Variants in CCSER1 observed in about 807,000 individuals in gnomAD.
The protein encoded by CCSER1 is serine-rich coiled-coil domain-containing protein 1.
In CCSER1, 41 loss-of-function variants were observed where a neutral mutation model predicts 82.0. That is an observed-to-expected ratio of 0.50 (90% CI 0.39 to 0.65). The LOEUF is 0.65. Ranked by LOEUF, CCSER1 falls within the 30% of genes least tolerant of loss-of-function variation. The pLI, the probability that CCSER1 is intolerant of heterozygous loss-of-function variation, is 0.00. For missense variants in CCSER1, 1,119 were observed against 1,064.2 expected (o/e 1.05, Z -0.72); for synonymous variants, 414 against 383.9 (o/e 1.08, Z -0.92).
At chr4:90,615,416 A>G (rs1483999568) in intron 5 of CCSER1, among the ~76,000 whole-genome samples, 3 of 152,202 alleles carry the variant, frequency 2.0e-5, no homozygotes. Flanking sequence ...GGAAAGAACC[A>G]TTCTAGATAC....
At chr4:91,458,434 A>G (rs1475281693) in intron 10 of CCSER1, among the ~76,000 whole-genome samples, 3 of 152,116 alleles carry the variant, frequency 2.0e-5, no homozygotes, top group African/African-American at 4.8e-5. Flanking sequence ...GCTTTGTAGT[A>G]TATTTTGAAG....
At chr4:91,459,784 A>G (rs891607541) in intron 10 of CCSER1, among the ~76,000 whole-genome samples, 1 of 152,140 alleles carries the variant, frequency 6.6e-6, no homozygotes, top group African/African-American at 2.4e-5. Context: ...TCTTTCCTCC[A>G]TCAGTATTTT....
At chr4:91,107,485 G>A (rs1026497087) in intron 10 of CCSER1, among the ~76,000 whole-genome samples, 25 of 152,096 alleles carry the variant, frequency 1.6e-4, no homozygotes, top group African/African-American at 5.6e-4. Flanking sequence ...TGAATCTCCT[G>A]ACCTCGTGAT....
At chr4:91,423,033 T>G in intron 10 of CCSER1, among the ~76,000 whole-genome samples, 1 of 152,194 alleles carries the variant, frequency 6.6e-6, no homozygotes, top group East Asian at 1.9e-4. Context: ...GAGTTTATTC[T>G]AGAAAACCTG....
intron 8 of CCSER1, among the ~76,000 whole-genome samples, chr4:90,912,325 G>T (rs974102034): frequency 2.0e-5 from 3 of 152,212 alleles, no homozygotes; most frequent in African/African-American, 7.2e-5. Context: ...AACATTTGCT[G>T]TTCACCAATA....
intron 1 of CCSER1, among the ~76,000 whole-genome samples, chr4:90,200,087 C>CAA (rs1175682177): frequency 6.6e-6 from 1 of 151,530 alleles, no homozygotes; most frequent in Non-Finnish European, 1.5e-5. Context: ...CACACACACA[C>CAA]ACACACTTTT....
intron 10 of CCSER1, among the ~76,000 whole-genome samples, chr4:91,520,288 A>G (rs751311163): frequency 1.4e-5 from 2 of 145,532 alleles, no homozygotes; most frequent in South Asian, 2.2e-4. Flanking sequence ...TAACTTCAAT[A>G]GTATACAAAA....
chr4:90,365,899 C>A (rs901323162), intron 3 of CCSER1, among the ~76,000 whole-genome samples: 12 of 151,982 alleles, frequency 7.9e-5, no homozygotes, highest in African/African-American at 2.9e-4. Flanking sequence ...TTTTAGTTTT[C>A]CTTCTAGCAT....
At chr4:91,285,385 A>G (rs983914954) in intron 10 of CCSER1, among the ~76,000 whole-genome samples, 1 of 151,726 alleles carries the variant, frequency 6.6e-6, no homozygotes, top group African/African-American at 2.4e-5. Flanking sequence ...GGAACTGTGA[A>G]TTTATTATAT....
intron 9 of CCSER1, among the ~76,000 whole-genome samples, chr4:91,024,159 T>C (rs529521084): frequency 6.6e-6 from 1 of 152,198 alleles, no homozygotes; most frequent in East Asian, 1.9e-4. Flanking sequence ...TATGATCCAA[T>C]CAGCTCTTAA....
intron 5 of CCSER1, among the ~76,000 whole-genome samples, chr4:90,609,531 A>G (rs1785174997): frequency 6.6e-6 from 1 of 152,206 alleles, no homozygotes; most frequent in South Asian, 2.1e-4. Flanking sequence ...ATCTAAAGAT[A>G]TTATCCCAAC....
intron 9 of CCSER1, among the ~76,000 whole-genome samples, chr4:90,997,781 A>G (rs1258417918): frequency 6.6e-6 from 1 of 152,202 alleles, no homozygotes; most frequent in African/African-American, 2.4e-5. Flanking sequence ...CTAAATTGCT[A>G]AGGAAATTTC....
At chr4:91,159,638 A>C (rs1438700832) in intron 10 of CCSER1, among the ~76,000 whole-genome samples, 1 of 151,914 alleles carries the variant, frequency 6.6e-6, no homozygotes, top group African/African-American at 2.4e-5. Flanking sequence ...TTTTCCTTAC[A>C]TTCTTTAGTA....
intron 10 of CCSER1, among the ~76,000 whole-genome samples, chr4:91,276,817 G>A (rs1246636865): frequency 1.3e-5 from 2 of 151,956 alleles, no homozygotes; most frequent in African/African-American, 4.8e-5. Flanking sequence ...CTTAAGGTAT[G>A]TTCCTTTTAT....
At chr4:90,690,825 A>T (rs1010103822) in intron 6 of CCSER1, among the ~76,000 whole-genome samples, 1 of 152,074 alleles carries the variant, frequency 6.6e-6, no homozygotes, top group African/African-American at 2.4e-5. Flanking sequence ...ACTACCTGAT[A>T]AAATTACATC....
At chr4:91,072,113 C>G (rs1233850489) in intron 9 of CCSER1, among the ~76,000 whole-genome samples, 1 of 152,040 alleles carries the variant, frequency 6.6e-6, no homozygotes, top group Non-Finnish European at 1.5e-5. Context: ...AATATGATGA[C>G]CCAAGTCCCT....
Position 90,782,681 on chromosome 4 carries a change from C to CTTTTTTTTTT in CCSER1, c.2011-33078_2011-33077insTTTTTTTTTT, listed in dbSNP as rs200701722. Among the ~76,000 whole-genome samples, 49 of 123,966 alleles carry CTTTTTTTTTT rather than the reference C, an allele frequency of 4.0e-4. 3 individuals are homozygous for CTTTTTTTTTT. Among genetic ancestry groups the CTTTTTTTTTT allele is most frequent in the East Asian group, 3.5e-3 (14 of 3,968 alleles). 81.3% of individuals were successfully genotyped at this position (123,966 alleles called of 152,430 possible). On this transcript the variant is annotated intron_variant, in intron 7 of 10. Transcript: ENST00000509176. ...GGACAGGGATTTCTTTCTTTTCTTT[C>CTTTTTTTTTT]TTTCTTTTTTTTTTTTTTTTGAGAC...
At chr4:90,746,318 GA>G (rs950967056) in intron 7 of CCSER1, among the ~76,000 whole-genome samples, 3 of 152,000 alleles carry the variant, frequency 2.0e-5, no homozygotes, top group African/African-American at 4.8e-5. Context: ...AATTAATGAT[GA>G]AAAAAATTCA....
At chr4:91,052,209 A>G (rs1252170021) in intron 9 of CCSER1, among the ~76,000 whole-genome samples, 1 of 152,078 alleles carries the variant, frequency 6.6e-6, no homozygotes, top group Non-Finnish European at 1.5e-5. Context: ...GTGTCTAGAA[A>G]GATTAAAATG....
Sources: gnomAD v4.1 joint callset for allele counts (sites outside exome capture counted in the v4.1 genomes callset) on GRCh38, gnomAD v4.1.1 for gene constraint, MANE v1.5 for transcripts, NCBI Gene and HGNC (gene_info 2026-07-23, HGNC 2026-07-21) for gene names.